PRKACB: variants seen among roughly 807,000 people sequenced by gnomAD.
PRKACB encodes the protein protein kinase cAMP-activated catalytic subunit beta.
In PRKACB, 16 loss-of-function variants were observed where a neutral mutation model predicts 51.4. The observed-to-expected ratio is 0.31, with a 90% CI of 0.21 to 0.47. The LOEUF (loss-of-function observed/expected upper bound fraction) is 0.47. Ranked by LOEUF, PRKACB falls within the 20% of genes least tolerant of loss-of-function variation. The probability of loss-of-function intolerance (pLI) is 1.00; values close to 1 mark genes in which losing one functional copy is unlikely to be tolerated. For missense variants in PRKACB, 309 were observed against 464.5 expected (o/e 0.67, Z 3.08); for synonymous variants, 147 against 154.4 (o/e 0.95, Z 0.35).
intron 1 of PRKACB, among the ~76,000 whole-genome samples, chr1:84,096,053 G>A (rs1302785504): frequency 6.6e-6 from 1 of 151,854 alleles, no homozygotes; most frequent in Non-Finnish European, 1.5e-5. Context: ...CTTAAGAGAG[G>A]ACTTATTTTG....
At chr1:84,217,893 A>G (rs1673108909) in intron 9 of PRKACB, among the ~76,000 whole-genome samples, 1 of 152,130 alleles carries the variant, frequency 6.6e-6, no homozygotes, top group African/African-American at 2.4e-5. Context: ...TGTTGTTGTA[A>G]TTAACCAGTT....
intron 1 of PRKACB, among the ~76,000 whole-genome samples, chr1:84,118,350 A>G (rs761481908): frequency 6.6e-6 from 1 of 152,060 alleles, no homozygotes; most frequent in Non-Finnish European, 1.5e-5. Context: ...TTCTGGAGAG[A>G]GCAGGTGTCT....
At chr1:84,142,506 T>C (rs1376661911), upstream of PRKACB, among the ~76,000 whole-genome samples, 4 of 152,214 alleles carry the variant, frequency 2.6e-5, no homozygotes, top group African/African-American at 9.6e-5. Context: ...AAACAAATTA[T>C]TGTTATGCAC....
chr1:84,218,307 C>T (rs1370593696), intron 9 of PRKACB, among the ~76,000 whole-genome samples: 1 of 152,152 alleles, frequency 6.6e-6, no homozygotes, highest in Non-Finnish European at 1.5e-5. Context: ...TTCATCCCTT[C>T]CCCCACACAC....
rs74095507 is a variant in PRKACB at position 84,132,084 on chromosome 1, G to A, written c.47-47093G>A. Among the ~76,000 whole-genome samples, 686 of 152,226 alleles carry A rather than the reference G, an allele frequency of 4.5e-3. 4 individuals carry two copies. The highest frequency in any genetic ancestry group is 0.016 in the African/African-American group (645 of 41,518). On this transcript the variant is annotated intron_variant, in intron 1 of 8. Coordinates refer to the PRKACB transcript ENST00000370688. ...CAGCTCACTCTAGCCTTCCTGTGTC[G>A]GTTTCAGTGGGGGAAAATGTATACC... is the stretch of plus-strand genomic sequence containing the variant.
At chr1:84,121,727 G>A (rs1287270826) in intron 1 of PRKACB, among the ~76,000 whole-genome samples, 2 of 152,124 alleles carry the variant, frequency 1.3e-5, no homozygotes, top group African/African-American at 4.8e-5. Flanking sequence ...CTGCACTTGA[G>A]AGGTCCTGAA....
chr1:84,083,684 G>A (rs1001283920), intron 1 of PRKACB, among the ~76,000 whole-genome samples: 2 of 152,170 alleles, frequency 1.3e-5, no homozygotes, highest in Admixed American at 6.5e-5. Flanking sequence ...ATAAATGTTT[G>A]TATACGTGGG....
Position 84,233,475 on chromosome 1 carries a change from G to A in PRKACB, c.1072-1705G>A, listed in dbSNP as rs552102111. 2.3e-5 allele frequency among the ~76,000 whole-genome samples: 3 copies of A among 129,466 alleles called. No homozygotes were observed. In the East Asian group the frequency reaches 6.8e-4, roughly 29 times the overall value. 84.9% of individuals were successfully genotyped at this position (129,466 alleles called of 152,430 possible). A position where few individuals can be genotyped will look rare whatever the true frequency, so the allele number is the denominator to read the frequency against. ...AATGTTGGCCTGCCTTGCTAGATTG[G>A]GGAAGTTCTCCTGGATAATATCCTG... On this transcript the variant is annotated intron_variant, in intron 9 of 9. Coordinates refer to ENST00000370685, the MANE Select transcript of PRKACB (RefSeq NM_182948.4).
At chr1:84,181,635 A>G (rs1330735392) in intron 2 of PRKACB, 2 of 1,392,962 alleles carry the variant, frequency 1.4e-6, no homozygotes, top group Admixed American at 2.8e-5. Flanking sequence ...TATAATATAA[A>G]GAGAGAAAGC....
chr1:84,189,651 G>A (rs191763189), intron 5 of PRKACB, among the ~76,000 whole-genome samples: 8 of 151,986 alleles, frequency 5.3e-5, no homozygotes, highest in African/African-American at 1.7e-4. Context: ...TCAAGAAATG[G>A]AATTACTATT....
Position 84,194,897 on chromosome 1 carries a change from C to T in PRKACB, c.561-1719C>T, listed in dbSNP as rs920767401. ...AGGCTGCAGTGATCATGCTACAGCACTCCAGCCTGGTGACAGAGTAAGAAA... is the reference window on the plus strand; with the variant it reads ...AGGCTGCAGTGATCATGCTACAGCATTCCAGCCTGGTGACAGAGTAAGAAA... On this transcript the variant is annotated intron_variant, in intron 5 of 9. Coordinates refer to ENST00000370685, the MANE Select transcript of PRKACB (RefSeq NM_182948.4). Among the ~76,000 whole-genome samples the T allele has an allele frequency of 2.0e-5, 3 of 152,070 alleles. No homozygotes were observed. In the East Asian group the frequency reaches 5.8e-4, roughly 29 times the overall value.
chr1:84,158,993 C>A (rs1655853875), intron 1 of PRKACB, among the ~76,000 whole-genome samples: 1 of 152,118 alleles, frequency 6.6e-6, no homozygotes, highest in African/African-American at 2.4e-5. Context: ...CAGTGAACTA[C>A]ATGTCTGTCC....
intron 1 of PRKACB, among the ~76,000 whole-genome samples, chr1:84,120,537 T>A (rs893299858): frequency 6.6e-6 from 1 of 152,064 alleles, no homozygotes; most frequent in African/African-American, 2.4e-5. Context: ...AAACACACAA[T>A]AATGACTGTG....
At chr1:84,106,274 G>C (rs756414610) in intron 1 of PRKACB, among the ~76,000 whole-genome samples, 10 of 152,260 alleles carry the variant, frequency 6.6e-5, no homozygotes, top group Admixed American at 1.3e-4. Flanking sequence ...AATCAGGCAA[G>C]AGAAAGATAA....
intron 1 of PRKACB, chr1:84,085,821 C>T (rs752975648): frequency 9.3e-6 from 4 of 432,368 alleles, no homozygotes; most frequent in Non-Finnish European, 1.7e-5. Flanking sequence ...GGCCACCTCT[C>T]ACTTCTGGAG....
At chr1:84,197,891 A>G (rs1668652800) in intron 7 of PRKACB, 67 bp downstream of exon 7, 3 of 1,109,452 alleles carry the variant, frequency 2.7e-6, no homozygotes. Flanking sequence ...GACTTTTGTA[A>G]AAACAGTTTA....
In PRKACB at chr1:84,235,560, C is replaced by A; in HGVS notation, c.*255C>A. The A allele has an allele frequency of 2.5e-6, 1 of 398,166 alleles. No homozygotes were observed. Among genetic ancestry groups the A allele is most frequent in the South Asian group, 3.8e-5 (1 of 26,024 alleles). The allele number at this position is 398,166 out of a possible 1,614,324, so 24.7% of individuals were successfully genotyped here. A position where few individuals can be genotyped will look rare whatever the true frequency, so the allele number is the denominator to read the frequency against. ...TACTTCTCTTTGGGTTGTCTTTCTC[C>A]TCTCCTATATCCATTTCTTCCTTTT... On this transcript the variant is annotated 3_prime_UTR_variant, in exon 10 of 10. Transcript: ENST00000370685.
rs575543009 is a variant in PRKACB, at chr1:84,204,071, A to G, written c.906+1266A>G. On this transcript the variant is annotated intron_variant, in intron 8 of 9. Transcript: ENST00000370685. ...CATAGATGCTGCACAGCTGGGCTGT[A>G]GCAACAAGACATTTGCCAATAGAAT... 9.2e-5 allele frequency among the ~76,000 whole-genome samples: 14 copies of G among 152,128 alleles called. No individual in the cohort carries two copies. The East Asian group carries it at 2.7e-3, about 29-fold the overall frequency.
intron 1 of PRKACB, among the ~76,000 whole-genome samples, chr1:84,092,036 CTG>C (rs1648518588): frequency 6.6e-6 from 1 of 152,010 alleles, no homozygotes; most frequent in Non-Finnish European, 1.5e-5. Context: ...TTATAATATT[CTG>C]TGTAGTAGAA....
Sources: allele counts gnomAD v4.1 joint callset (sites outside exome capture counted in the v4.1 genomes callset), GRCh38; gene constraint gnomAD v4.1.1; transcripts MANE v1.5; gene names NCBI Gene and HGNC (gene_info 2026-07-23, HGNC 2026-07-21).